CBFA2T2: variants seen among roughly 807,000 people sequenced by gnomAD.
The protein encoded by CBFA2T2 is CBFA2/RUNX1 partner transcriptional co-repressor 2, also known as protein CBFA2T2.
A neutral mutation model predicts 62.2 loss-of-function variants in CBFA2T2; 11 were observed. The ratio of observed to expected loss-of-function variants is 0.18; its 90% CI spans 0.11 to 0.29. CBFA2T2 has a LOEUF of 0.29. Ranked by LOEUF, CBFA2T2 falls within the 10% of genes least tolerant of loss-of-function variation. The pLI, the probability that CBFA2T2 is intolerant of heterozygous loss-of-function variation, is 1.00. For missense variants in CBFA2T2, 592 were observed against 774.1 expected, an observed-to-expected ratio of 0.76 and a Z score of 2.79; for synonymous variants, 295 against 287.5, an observed-to-expected ratio of 1.03 and a Z score of -0.27.
chr20:33,542,852 T>C (rs997438213), intron 1 of CBFA2T2, among the ~76,000 whole-genome samples: 5 of 152,262 alleles, frequency 3.3e-5, no homozygotes, highest in African/African-American at 1.2e-4. Context: ...TATGTAGTTT[T>C]GGTAGAGACA....
chr20:33,608,733 G>A (rs1169471905), intron 2 of CBFA2T2, among the ~76,000 whole-genome samples: 5 of 152,102 alleles, frequency 3.3e-5, no homozygotes, highest in Admixed American at 6.5e-5. Flanking sequence ...GCTGCTTGGC[G>A]GTGGTTGTGT....
intron 1 of CBFA2T2, among the ~76,000 whole-genome samples, chr20:33,559,412 G>A (rs1193969816): frequency 2.0e-5 from 3 of 152,002 alleles, no homozygotes; most frequent in African/African-American, 4.8e-5. Flanking sequence ...GACCTGAGGC[G>A]ATCTGCCCAC....
chr20:33,499,616 A>G (rs984550485), intron 1 of CBFA2T2, among the ~76,000 whole-genome samples: 2 of 152,202 alleles, frequency 1.3e-5, no homozygotes, highest in African/African-American at 4.8e-5. Flanking sequence ...AACTTTTGAA[A>G]TGAGTCAATA....
chr20:33,610,119 C>CA (rs1336383686), intron 2 of CBFA2T2, among the ~76,000 whole-genome samples: 7 of 152,148 alleles, frequency 4.6e-5, no homozygotes, highest in Admixed American at 3.9e-4. Flanking sequence ...CCCTGATCTA[C>CA]AAAAAATTTT....
Position 33,612,817 on chromosome 20 carries a change from A to G in CBFA2T2, c.420+1482A>G, listed in dbSNP as rs116460109. 5.6e-3 allele frequency among the ~76,000 whole-genome samples: 851 copies of G among 152,388 alleles called. 5 individuals carry two copies. Among genetic ancestry groups the G allele is most frequent in the African/African-American group, 0.019 (795 of 41,594 alleles). ...TTAAAAAATTTCTCAGTCTAAGGCC[A>G]GATGTGGTGGCTCACGCCTGTAATT... On this transcript the variant is annotated intron_variant, in intron 3 of 10. Coordinates refer to ENST00000342704, the MANE Select transcript of CBFA2T2 (RefSeq NM_001032999.3).
intron 1 of CBFA2T2, among the ~76,000 whole-genome samples, chr20:33,537,031 AC>A (rs1378128116): frequency 6.6e-6 from 1 of 150,986 alleles, no homozygotes; most frequent in Non-Finnish European, 1.5e-5. Flanking sequence ...GGGGCTCCTC[AC>A]GTCCCAGACG....
At chr20:33,638,790 T>C (rs1293220988) in intron 9 of CBFA2T2, 1 of 152,130 alleles carries the variant, frequency 6.6e-6, no homozygotes, top group Non-Finnish European at 1.5e-5. Flanking sequence ...CTCAAACATA[T>C]GGAATGTGTT....
intron 3 of CBFA2T2, among the ~76,000 whole-genome samples, chr20:33,616,530 C>G (rs2122314224): frequency 6.6e-6 from 1 of 152,256 alleles, no homozygotes; most frequent in East Asian, 1.9e-4. Flanking sequence ...AGTTGGAGAT[C>G]AGCCTGGTCA....
chr20:33,568,551 G>T (rs1349906075), intron 1 of CBFA2T2, among the ~76,000 whole-genome samples: 4 of 152,178 alleles, frequency 2.6e-5, no homozygotes, highest in African/African-American at 9.7e-5. Flanking sequence ...GTCCTCTGCT[G>T]CCGGCGGGCG....
At chr20:33,490,830 G>C (rs1352391101) in intron 1 of CBFA2T2, among the ~76,000 whole-genome samples, 1 of 152,170 alleles carries the variant, frequency 6.6e-6, no homozygotes, top group Non-Finnish European at 1.5e-5. Flanking sequence ...TGTGGAGCGG[G>C]TTCCCTCCCT....
chr20:33,572,449 A>G (rs1294282619), intron 1 of CBFA2T2, among the ~76,000 whole-genome samples: 1 of 152,246 alleles, frequency 6.6e-6, no homozygotes, highest in African/African-American at 2.4e-5. Context: ...GCAAATAAAA[A>G]TGTTTCTAAA....
At position 33,515,786 on chromosome 20, in the gene CBFA2T2, AGG is replaced by A. The variant is rs2146857746; in HGVS notation, c.34+25487_34+25488del. 2.8e-5 allele frequency among the ~76,000 whole-genome samples: 3 copies of A among 106,932 alleles called. No homozygotes were observed. The East Asian group carries it at 9.5e-4, about 34-fold the overall frequency. 70.2% of individuals were successfully genotyped at this position (106,932 alleles called of 152,430 possible). On this transcript the variant is annotated intron_variant, in intron 1 of 10. Transcript: ENST00000342704. ...ATTACACTCCATCCTGGGCCACAAG[AGG>A]GAGACTCCATCTCAAAAAAAAAAAA... is the stretch of plus-strand genomic sequence containing the variant.
chr20:33,572,079 G>C (rs1384292315), intron 1 of CBFA2T2, among the ~76,000 whole-genome samples: 1 of 152,214 alleles, frequency 6.6e-6, no homozygotes, highest in Non-Finnish European at 1.5e-5. Flanking sequence ...TGTTACTAGA[G>C]ACGGGGTTTT....
At chr20:33,639,573 CAA>C (rs564409493) in intron 9 of CBFA2T2, 24 of 124,644 alleles carry the variant, frequency 1.9e-4, no homozygotes, top group Middle Eastern at 4.1e-3. Context: ...GACTCCGTCG[CAA>C]AAAAAAAAAA....
At chr20:33,496,640 A>T (rs1406250743) in intron 1 of CBFA2T2, among the ~76,000 whole-genome samples, 1 of 152,200 alleles carries the variant, frequency 6.6e-6, no homozygotes, top group African/African-American at 2.4e-5. Context: ...TTTGTAGTAG[A>T]TAGGACCTGT....
intron 1 of CBFA2T2, among the ~76,000 whole-genome samples, chr20:33,498,703 C>CTGCA (rs1267647002): frequency 2.6e-5 from 4 of 151,986 alleles, no homozygotes; most frequent in African/African-American, 9.7e-5. Context: ...GATAGTGCCA[C>CTGCA]TGCACTCCAG....
chr20:33,521,415 ACT>A (rs2011726912), intron 1 of CBFA2T2, among the ~76,000 whole-genome samples: 1 of 151,928 alleles, frequency 6.6e-6, no homozygotes, highest in African/African-American at 2.4e-5. Flanking sequence ...TATAATAATA[ACT>A]CTCTGACATT....
intron 1 of CBFA2T2, among the ~76,000 whole-genome samples, chr20:33,507,472 A>G (rs947580651): frequency 6.6e-6 from 1 of 152,230 alleles, no homozygotes; most frequent in Admixed American, 6.5e-5. Context: ...AACATAAAAA[A>G]ATAATTTTTG....
In CBFA2T2 at chr20:33,644,830, G is replaced by C. The variant is rs2016994715; in HGVS notation, c.*184G>C. ...TCTCTGTGCACTTGCTGTCTGCGGA[G>C]CCAGTGTGCCATTCTCTGCACATGG... On this transcript the variant is annotated 3_prime_UTR_variant, in exon 11 of 11. Transcript: ENST00000342704. The C allele has an allele frequency of 3.1e-6, 2 of 646,576 alleles. No individual in the cohort carries two copies. Among genetic ancestry groups the C allele is most frequent in the Non-Finnish European group, 5.2e-6 (2 of 387,380 alleles). 40.1% of individuals were successfully genotyped at this position (646,576 alleles called of 1,614,324 possible). A position where few individuals can be genotyped will look rare whatever the true frequency, so the allele number is the denominator to read the frequency against.
Sources: gnomAD v4.1 joint callset for allele counts (sites outside exome capture counted in the v4.1 genomes callset) on GRCh38, gnomAD v4.1.1 for gene constraint, MANE v1.5 for transcripts, NCBI Gene and HGNC (gene_info 2026-07-23, HGNC 2026-07-21) for gene names.